DNAJC16: variants seen among roughly 807,000 people sequenced by gnomAD.
The protein encoded by DNAJC16 is dnaJ homolog subfamily C member 16.
Under a neutral mutation model 92.7 loss-of-function variants are expected in DNAJC16, and 76 were observed. That is an observed-to-expected ratio of 0.82 (90% CI 0.68 to 0.99). The LOEUF (loss-of-function observed/expected upper bound fraction) is 0.99, where lower values mean the gene tolerates loss of function less well. DNAJC16 is among the 50% of genes least tolerant of loss of function. DNAJC16 has a pLI of 0.00. For synonymous variants in DNAJC16, 328 were observed against 358.7 expected, an observed-to-expected ratio of 0.91 and a Z score of 0.97; for missense variants, 869 against 942.4, an observed-to-expected ratio of 0.92 and a Z score of 1.02.
chr1:15,563,306 A>G (rs1319427940), intron 9 of DNAJC16, among the ~76,000 whole-genome samples: 1 of 151,970 alleles, frequency 6.6e-6, no homozygotes, highest in African/African-American at 2.4e-5. Flanking sequence ...AGGCGGGTGG[A>G]TCACTTGAGG....
chr1:15,538,280 A>G (rs1488514147), intron 4 of DNAJC16, among the ~76,000 whole-genome samples: 1 of 152,036 alleles, frequency 6.6e-6, no homozygotes, highest in Non-Finnish European at 1.5e-5. Flanking sequence ...CTGTAGTCCC[A>G]GCTACTCCGG....
intron 6 of DNAJC16, 44 bp downstream of exon 6, chr1:15,546,915 C>CTTTT (rs76961003): frequency 3.8e-4 from 343 of 906,852 alleles, no homozygotes; most frequent in South Asian, 1.2e-3. Context: ...CTTTTCTTTT[C>CTTTT]TTTTTTTTTT....
In DNAJC16 at chr1:15,546,866, T is replaced by C. The variant is rs750300513; in HGVS notation, c.859T>C (p.Tyr287His). 8 of 1,604,754 alleles carry C rather than the reference T, an allele frequency of 5.0e-6. No individual in the cohort carries two copies. The highest frequency in any genetic ancestry group is 1.7e-4 in the Middle Eastern group (1 of 6,034). The change falls in exon 6 of 15, where the codon TAC becomes CAC. Residue 287 changes from tyrosine to histidine, a missense_variant. Transcript: ENST00000375847. ...CCAAACGCCCATTGTGCCACTGTTA[T>C]ACAAGGTACTTTCTATGCTAGGATA... ...FDQTPIVPLL[Y>H]KLTAFAYKDY...
chr1:15,565,921 G>T lies in DNAJC16; in HGVS notation c.1601G>T (p.Arg534Met). 2 of 1,613,478 alleles carry T rather than the reference G, an allele frequency of 1.2e-6. No homozygotes were observed. Among genetic ancestry groups the T allele is most frequent in the Non-Finnish European group, 1.7e-6 (2 of 1,179,856 alleles). ...CWDSIFHNNW[R>M]EMMPLLSLIF... ...ATAGTTTGTTAATTTGGTTTTAGGA[G>T]GGAAATGATGCCCCTGCTGTCCCTG... The change falls in exon 12 of 15, where the codon AGG becomes ATG. Residue 534 changes from arginine (R) to methionine (M), a missense_variant and splice_region_variant. Coordinates refer to ENST00000375847, the MANE Select transcript of DNAJC16 (RefSeq NM_015291.4).
Position 15,568,079 on chromosome 1 carries a change from A to G in DNAJC16, c.2251A>G (p.Ile751Val), listed in dbSNP as rs1460996772. ...KPSCGLGSRP[I>V]KGKLSKLSLW... is the part of the protein sequence containing the mutation. ...TTCCTGTGGCCTTGGATCCAGGCCC[A>G]TCAAAGGAAAGTTGAGCAAGCTCTC... The change falls in exon 15 of 15, where the codon ATC becomes GTC. Residue 751 changes from isoleucine (I) to valine (V), a missense_variant. Physicochemically the swap from Ile to Val is conservative, Grantham distance 29. Coordinates refer to ENST00000375847, the MANE Select transcript of DNAJC16 (RefSeq NM_015291.4). 1.9e-6 allele frequency: 3 copies of G among 1,614,108 alleles called. No homozygotes were observed. The highest frequency in any genetic ancestry group is 1.7e-6 in the Non-Finnish European group (2 of 1,180,048).
intron 6 of DNAJC16, 44 bp downstream of exon 6, chr1:15,546,915 C>CTTTTTTTTTT (rs76961003): frequency 5.9e-4 from 539 of 906,842 alleles, no homozygotes; most frequent in South Asian, 2.7e-3. Flanking sequence ...CTTTTCTTTT[C>CTTTTTTTTTT]TTTTTTTTTT....
At chr1:15,529,786 G>A (rs999131979) in intron 2 of DNAJC16, among the ~76,000 whole-genome samples, 2 of 151,928 alleles carry the variant, frequency 1.3e-5, no homozygotes, top group African/African-American at 4.8e-5. Context: ...TGAGGTCTTG[G>A]TTCCAGGATC....
intron 7 of DNAJC16, among the ~76,000 whole-genome samples, chr1:15,559,321 C>T (rs1638640196): frequency 6.6e-6 from 1 of 152,136 alleles, no homozygotes; most frequent in African/African-American, 2.4e-5. Context: ...CCCTTTGACC[C>T]GAAATAGCTG....
intron 4 of DNAJC16, among the ~76,000 whole-genome samples, chr1:15,539,895 G>T (rs1710892279): frequency 1.3e-5 from 2 of 152,192 alleles, no homozygotes; most frequent in South Asian, 2.1e-4. Flanking sequence ...AGGCGTGGTG[G>T]TGCGTGCCTG....
Position 15,567,284 on chromosome 1 carries a change from G to T in DNAJC16, c.1949+15G>T, listed in dbSNP as rs377121927. On this transcript the variant is annotated intron_variant, in intron 14 of 14. Transcript: ENST00000375847. ...ACATTTACTGGGTAAGCATGTGTGTGTGTGCATGTATGTATGTGTGTGAGA... is the reference window on the plus strand; with the variant it reads ...ACATTTACTGGGTAAGCATGTGTGTTTGTGCATGTATGTATGTGTGTGAGA... 6.2e-7 allele frequency: 1 copy of T among 1,608,680 alleles called. No individual in the cohort carries two copies. The highest frequency in any genetic ancestry group is 8.5e-7 in the Non-Finnish European group (1 of 1,175,714).
chr1:15,539,921 A>G (rs12024833), intron 4 of DNAJC16, among the ~76,000 whole-genome samples: 90,623 of 151,782 alleles, frequency 0.6, 27,916 homozygotes, highest in African/African-American at 0.74. Flanking sequence ...TCAGCTGCTC[A>G]GGAGGCTGAG....
chr1:15,549,015 A>G (rs1457781412), intron 7 of DNAJC16, among the ~76,000 whole-genome samples: 1 of 152,236 alleles, frequency 6.6e-6, no homozygotes, highest in African/African-American at 2.4e-5. Flanking sequence ...TAATCAGAGA[A>G]CATTAACCTT....
chr1:15,544,247 T>C (rs1426754091), intron 4 of DNAJC16, 152 bp from the exon 5 acceptor site: 1 of 703,812 alleles, frequency 1.4e-6, no homozygotes. Flanking sequence ...CAATCTAGAA[T>C]TCCAGCAGTG....
At chr1:15,549,380 TGA>T in intron 7 of DNAJC16, among the ~76,000 whole-genome samples, 1 of 152,290 alleles carries the variant, frequency 6.6e-6, no homozygotes, top group East Asian at 1.9e-4. Flanking sequence ...GGTTAGTGGT[TGA>T]AGTCCTGAGT....
intron 9 of DNAJC16, among the ~76,000 whole-genome samples, chr1:15,562,698 G>A (rs1638717471): frequency 1.3e-5 from 2 of 151,580 alleles, no homozygotes; most frequent in Admixed American, 6.6e-5. Flanking sequence ...ATGTTGCCCA[G>A]GTTGGTCTCA....
At chr1:15,534,371 TTG>T (rs1467205924) in intron 3 of DNAJC16, 68 bp downstream of exon 3, 13 of 1,520,946 alleles carry the variant, frequency 8.5e-6, no homozygotes, top group African/African-American at 1.4e-5. Context: ...GTGATGAGTT[TTG>T]TAAAGTTGTC....
Position 15,548,427 on chromosome 1 carries a change from A to G in DNAJC16, c.1022A>G (p.Gln341Arg). 6.2e-7 allele frequency: 1 copy of G among 1,607,410 alleles called. No homozygotes were observed. The change falls in exon 7 of 15, where the codon CAG (glutamine) becomes CGG (arginine). Residue 341 changes from glutamine to arginine, a missense_variant and splice_region_variant. By Grantham distance (43) the Gln-to-Arg change is conservative. Transcript: ENST00000375847. ...ATAAACAGGCCTGCCGATGTTATCC[A>G]GGTACGTGAGGGTCACCTTGGTTAA... ...EHINRPADVI[Q>R]ARGMKKQIID...
chr1:15,557,346 G>C (rs1638590546), intron 7 of DNAJC16, among the ~76,000 whole-genome samples: 1 of 152,196 alleles, frequency 6.6e-6, no homozygotes, highest in South Asian at 2.1e-4. Flanking sequence ...ATTGTAGGTA[G>C]TGATTCCTTC....
intron 7 of DNAJC16, among the ~76,000 whole-genome samples, chr1:15,554,047 T>C (rs1638512241): frequency 6.6e-6 from 1 of 152,056 alleles, no homozygotes. Flanking sequence ...CTACAAAAAA[T>C]ACAAAATTAG....
Sources: allele counts gnomAD v4.1 joint callset (sites outside exome capture counted in the v4.1 genomes callset), GRCh38; gene constraint gnomAD v4.1.1; transcripts MANE v1.5; gene names NCBI Gene and HGNC (gene_info 2026-07-23, HGNC 2026-07-21).